The following CALN1 variants were observed in gnomAD, a reference collection of about 807,000 sequenced individuals.
CALN1 encodes calneuron 1, also known as calcium-binding protein 8.
CALN1 carries 17 observed loss-of-function variants against 30.6 expected under a neutral mutation model. That is an observed-to-expected ratio of 0.56 (90% CI 0.38 to 0.83). The LOEUF (loss-of-function observed/expected upper bound fraction) is 0.83. CALN1 is among the 40% of genes least tolerant of loss of function. The probability of loss-of-function intolerance (pLI) is 0.00; values close to 1 mark genes in which losing one functional copy is unlikely to be tolerated. For missense variants in CALN1, 291 were observed against 354.9 expected (o/e 0.82, Z 1.45); for synonymous variants, 156 against 131.4 (o/e 1.19, Z -1.28).
intron 3 of CALN1, among the ~76,000 whole-genome samples, chr7:72,109,882 A>ATGGGTTAGG (rs139902249): frequency 0.25 from 37,370 of 151,830 alleles, 5,464 homozygotes; most frequent in East Asian, 0.68. Flanking sequence ...ATCTGAAAAA[A>ATGGGTTAGG]TGGGTTAGGT....
At chr7:72,127,147 G>A (rs1046105802) in intron 3 of CALN1, among the ~76,000 whole-genome samples, 1 of 151,870 alleles carries the variant, frequency 6.6e-6, no homozygotes, top group African/African-American at 2.4e-5. Flanking sequence ...ACAGAGGTTA[G>A]GGTATTGAGG....
intron 2 of CALN1, among the ~76,000 whole-genome samples, chr7:72,368,618 G>A (rs1804026102): frequency 6.6e-6 from 1 of 151,932 alleles, no homozygotes; most frequent in Non-Finnish European, 1.5e-5. Context: ...AAAGATATGA[G>A]CTACAAAACC....
At chr7:72,121,179 T>C (rs1433479995) in intron 3 of CALN1, among the ~76,000 whole-genome samples, 1 of 144,782 alleles carries the variant, frequency 6.9e-6, no homozygotes, top group African/African-American at 2.5e-5. Flanking sequence ...TATATAATTA[T>C]ATATTATGTA....
chr7:72,452,193 T>G, the CALN1 span, among the ~76,000 whole-genome samples: 1 of 152,132 alleles, frequency 6.6e-6, no homozygotes, highest in Admixed American at 6.6e-5. Context: ...GGGGAGGTTA[T>G]TAGAGAACTG....
At chr7:71,830,478 G>A (rs1036588519) in intron 5 of CALN1, among the ~76,000 whole-genome samples, 4 of 152,020 alleles carry the variant, frequency 2.6e-5, no homozygotes, top group African/African-American at 9.7e-5. Context: ...CTCCTGAATG[G>A]CTGGAAGTAC....
At chr7:72,298,164 C>T (rs1277905650) in intron 2 of CALN1, among the ~76,000 whole-genome samples, 4 of 152,156 alleles carry the variant, frequency 2.6e-5, no homozygotes, top group Non-Finnish European at 5.9e-5. Flanking sequence ...CTGTGTATGG[C>T]CAACAACATC....
chr7:72,049,506 G>T (rs1802695035), intron 4 of CALN1, among the ~76,000 whole-genome samples: 1 of 152,082 alleles, frequency 6.6e-6, no homozygotes. Flanking sequence ...ATAGCAATAA[G>T]GTAGGATTTA....
At chr7:72,492,000 C>G in the CALN1 span, among the ~76,000 whole-genome samples, 1 of 152,138 alleles carries the variant, frequency 6.6e-6, no homozygotes, top group African/African-American at 2.4e-5. Flanking sequence ...CAAGGGACTC[C>G]AACTCTCAAA....
chr7:72,118,976 A>T (rs554697535), intron 3 of CALN1, among the ~76,000 whole-genome samples: 18 of 152,226 alleles, frequency 1.2e-4, no homozygotes, highest in Non-Finnish European at 2.4e-4. Context: ...TTCAAGCAGT[A>T]TCTACGTTGT....
At chr7:71,962,061 A>G (rs1478567493) in intron 5 of CALN1, among the ~76,000 whole-genome samples, 1 of 151,664 alleles carries the variant, frequency 6.6e-6, no homozygotes, top group East Asian at 1.9e-4. Context: ...TTTTCTCATA[A>G]AACAAGATGC....
At chr7:72,161,901 C>T (rs930651059) in intron 3 of CALN1, among the ~76,000 whole-genome samples, 2 of 151,680 alleles carry the variant, frequency 1.3e-5, no homozygotes, top group Non-Finnish European at 1.5e-5. Context: ...GCACATGTAG[C>T]CCTGAGCTTA....
At chr7:72,356,210 G>C (rs112570522) in intron 2 of CALN1, among the ~76,000 whole-genome samples, 1 of 152,054 alleles carries the variant, frequency 6.6e-6, no homozygotes, top group Non-Finnish European at 1.5e-5. Context: ...GACAGAAAAA[G>C]ATATGGTTTC....
intron 2 of CALN1, among the ~76,000 whole-genome samples, chr7:72,391,926 G>A (rs975593396): frequency 2.0e-5 from 3 of 152,158 alleles, no homozygotes. Flanking sequence ...CTTCTGTTGA[G>A]ATGTGGTGTC....
At chr7:72,448,119 C>T (rs752479880), upstream of CALN1, among the ~76,000 whole-genome samples, 12 of 152,002 alleles carry the variant, frequency 7.9e-5, no homozygotes, top group Non-Finnish European at 1.5e-4. Context: ...CATGTCTGCC[C>T]GTACACCCAT....
chr7:72,008,664 T>A (rs1799907172), intron 5 of CALN1, among the ~76,000 whole-genome samples: 1 of 151,504 alleles, frequency 6.6e-6, no homozygotes, highest in Non-Finnish European at 1.5e-5. Flanking sequence ...TCAATTTTTT[T>A]TTTTTTTTTT....
chr7:72,492,967 G>A, the CALN1 span, among the ~76,000 whole-genome samples: 7 of 152,160 alleles, frequency 4.6e-5, no homozygotes, highest in Non-Finnish European at 8.8e-5. Context: ...AGCTGAACAC[G>A]AGTATTCTTT....
At chr7:71,901,812 T>C (rs779968027) in intron 5 of CALN1, among the ~76,000 whole-genome samples, 2 of 152,124 alleles carry the variant, frequency 1.3e-5, no homozygotes, top group South Asian at 2.1e-4. Flanking sequence ...ACTATTTAAA[T>C]ACTAGAAGAA....
At chr7:72,147,773 AAAT>A (rs1786874814) in intron 3 of CALN1, among the ~76,000 whole-genome samples, 1 of 152,056 alleles carries the variant, frequency 6.6e-6, no homozygotes, top group Admixed American at 6.6e-5. Flanking sequence ...CAGCCATAAA[AAAT>A]AATGAGTTCA....
chr7:72,169,378 GGT>G (rs1381142722), intron 3 of CALN1, among the ~76,000 whole-genome samples: 2 of 152,050 alleles, frequency 1.3e-5, no homozygotes, highest in Admixed American at 1.3e-4. Context: ...GGAGTACAGT[GGT>G]GTGATCATAC....
Sources: allele counts gnomAD v4.1 joint callset (sites outside exome capture counted in the v4.1 genomes callset), GRCh38; gene constraint gnomAD v4.1.1; transcripts MANE v1.5; gene names NCBI Gene and HGNC (gene_info 2026-07-23, HGNC 2026-07-21).